The following GLP2R variants were observed in gnomAD, a reference collection of about 807,000 sequenced individuals.
GLP2R encodes the protein glucagon-like peptide 2 receptor.
Under a neutral mutation model 68.2 loss-of-function variants are expected in GLP2R, and 59 were observed. The ratio of observed to expected loss-of-function variants is 0.87; its 90% CI spans 0.70 to 1.07. GLP2R has a LOEUF of 1.07. Among genes scored for constraint, GLP2R ranks in the 50% least tolerant of loss-of-function variants. The pLI is 0.00. For synonymous variants in GLP2R, 270 were observed against 265.4 expected (o/e 1.02, Z -0.17); for missense variants, 548 against 677.4 (o/e 0.81, Z 2.12).
chr17:9,841,183 A>ATT (rs139792270), intron 3 of GLP2R, among the ~76,000 whole-genome samples: 18 of 144,426 alleles, frequency 1.2e-4, no homozygotes, highest in East Asian at 6.3e-4. Flanking sequence ...TGCCTAGCTA[A>ATT]TTTTTTTTTT....
chr17:9,882,720 T>C (rs562787857), intron 11 of GLP2R, among the ~76,000 whole-genome samples: 29 of 152,286 alleles, frequency 1.9e-4, no homozygotes, highest in Non-Finnish European at 4.1e-4. Flanking sequence ...TATTAAGCTA[T>C]TGGAAACAGC....
chr17:9,856,562 AG>A (rs1373725980), intron 5 of GLP2R, among the ~76,000 whole-genome samples: 9 of 152,188 alleles, frequency 5.9e-5, no homozygotes, highest in Admixed American at 2.0e-4. Flanking sequence ...CAGGTGCATA[AG>A]GAAGAGGTGA....
intron 11 of GLP2R, 38 bp downstream of exon 11, chr17:9,880,554 A>T: frequency 3.4e-6 from 5 of 1,459,950 alleles, no homozygotes; most frequent in Non-Finnish European, 4.7e-6. Context: ...TTGACTTTGG[A>T]GAAAACAAAA....
chr17:9,862,103 C>T lies in GLP2R; in HGVS notation c.1056+13C>T. 1.9e-6 allele frequency: 3 copies of T among 1,592,734 alleles called. No homozygotes were observed. The highest frequency in any genetic ancestry group is 2.6e-6 in the Non-Finnish European group (3 of 1,160,708). On this transcript the variant is annotated intron_variant, in intron 9 of 12. Transcript: ENST00000262441. ...GCTCTGTGTAACAGTAAGGACCATCCCATCCACCTCTTTGTCTCGGAGCCT... is the reference window on the plus strand; with the variant it reads ...GCTCTGTGTAACAGTAAGGACCATCTCATCCACCTCTTTGTCTCGGAGCCT...
At chr17:9,865,114 T>C (rs1358365045) in intron 9 of GLP2R, among the ~76,000 whole-genome samples, 3 of 152,158 alleles carry the variant, frequency 2.0e-5, no homozygotes, top group Non-Finnish European at 4.4e-5. Flanking sequence ...CTACTCACTC[T>C]ACCCAGAAAA....
chr17:9,873,765 T>C (rs983166801), intron 10 of GLP2R, among the ~76,000 whole-genome samples: 1 of 152,108 alleles, frequency 6.6e-6, no homozygotes, highest in Non-Finnish European at 1.5e-5. Flanking sequence ...GAACACATGC[T>C]AATGAATAAG....
chr17:9,833,971 C>G, intron 2 of GLP2R, 77 bp downstream of exon 2: 1 of 873,656 alleles, frequency 1.1e-6, no homozygotes, highest in Non-Finnish European at 1.9e-6. Context: ...AATAACTAGT[C>G]ACTTATTACT....
chr17:9,832,217 CATTTGAGCCCAGGA>C (rs1410303337), intron 1 of GLP2R, among the ~76,000 whole-genome samples: 1 of 152,088 alleles, frequency 6.6e-6, no homozygotes, highest in African/African-American at 2.4e-5. Flanking sequence ...GCAGGAGGAT[CATTTGAGCCCAGGA>C]ATTTGAGACC....
chr17:9,838,724 A>G (rs1449610101), intron 3 of GLP2R, among the ~76,000 whole-genome samples: 1 of 152,266 alleles, frequency 6.6e-6, no homozygotes, highest in Non-Finnish European at 1.5e-5. Context: ...CATTCTGTGC[A>G]TTAAATCTTT....
intron 11 of GLP2R, among the ~76,000 whole-genome samples, chr17:9,880,912 G>A (rs946640184): frequency 2.0e-5 from 3 of 152,208 alleles, no homozygotes; most frequent in Non-Finnish European, 4.4e-5. Flanking sequence ...ATTGGATAGG[G>A]ACTAATGAGT....
intron 1 of GLP2R, 96 bp from the exon 2 acceptor site, chr17:9,833,711 A>G: frequency 1.4e-6 from 1 of 722,880 alleles, no homozygotes; most frequent in East Asian, 2.5e-5. Flanking sequence ...CATTGTGGGC[A>G]CTTCAGTGGG....
intron 3 of GLP2R, among the ~76,000 whole-genome samples, chr17:9,837,254 C>T (rs933425118): frequency 6.6e-6 from 1 of 152,202 alleles, no homozygotes; most frequent in South Asian, 2.1e-4. Flanking sequence ...CCCACCTCCA[C>T]TGTCCCAGCC....
chr17:9,836,582 T>C, intron 3 of GLP2R, 107 bp downstream of exon 3: 2 of 667,262 alleles, frequency 3.0e-6, no homozygotes, highest in South Asian at 3.7e-5. Context: ...ATCTTCCTTC[T>C]GTAATTTTTC....
intron 9 of GLP2R, among the ~76,000 whole-genome samples, chr17:9,863,125 G>A (rs191486092): frequency 4.3e-4 from 62 of 142,530 alleles, no homozygotes; most frequent in African/African-American, 1.4e-3. Context: ...GCAGCTGATA[G>A]TGTGCCAGAT....
intron 11 of GLP2R, among the ~76,000 whole-genome samples, chr17:9,885,761 C>T (rs1307800026): frequency 1.3e-5 from 2 of 151,998 alleles, no homozygotes; most frequent in African/African-American, 4.8e-5. Context: ...GTCACAAAGT[C>T]ATCCTAGATT....
intron 2 of GLP2R, among the ~76,000 whole-genome samples, chr17:9,835,259 C>T (rs188779047): frequency 6.6e-6 from 1 of 152,042 alleles, no homozygotes; most frequent in African/African-American, 2.4e-5. Flanking sequence ...GATCCCCTGA[C>T]CTCGTGATCC....
intron 11 of GLP2R, among the ~76,000 whole-genome samples, chr17:9,882,045 A>G (rs1597404710): frequency 2.6e-5 from 4 of 152,126 alleles, no homozygotes; most frequent in East Asian, 3.9e-4. Context: ...AACTAAAAAA[A>G]AAAAAAAAAA....
intron 9 of GLP2R, among the ~76,000 whole-genome samples, chr17:9,868,292 A>C (rs1438784269): frequency 1.3e-5 from 2 of 152,038 alleles, no homozygotes; most frequent in African/African-American, 4.8e-5. Flanking sequence ...CCAGAGGAGG[A>C]GGGGTTTGGC....
intron 1 of GLP2R, among the ~76,000 whole-genome samples, chr17:9,827,780 G>A (rs1032602065): frequency 6.6e-6 from 1 of 152,074 alleles, no homozygotes; most frequent in Non-Finnish European, 1.5e-5. Flanking sequence ...GGCCAACGTG[G>A]TGAAACCCCG....
Sources: gnomAD v4.1 joint callset for allele counts (sites outside exome capture counted in the v4.1 genomes callset) on GRCh38, gnomAD v4.1.1 for gene constraint, MANE v1.5 for transcripts, NCBI Gene and HGNC (gene_info 2026-07-23, HGNC 2026-07-21) for gene names.